STAMBPL1: variants seen among roughly 807,000 people sequenced by gnomAD.
STAMBPL1 encodes the protein AMSH-like protease.
In STAMBPL1, 44 loss-of-function variants were observed where a neutral mutation model predicts 52.9. The ratio of observed to expected loss-of-function variants is 0.83; its 90% confidence interval spans 0.65 to 1.07. STAMBPL1 has a LOEUF of 1.07. Ranked by LOEUF, STAMBPL1 falls within the 50% of genes least tolerant of loss-of-function variation. STAMBPL1 has a pLI of 0.00. For synonymous variants in STAMBPL1, 164 were observed against 177.3 expected (o/e 0.92, Z 0.60); for missense variants, 511 against 520.8 (o/e 0.98, Z 0.18).
At chr10:88,900,320 A>G (rs1286278322) in intron 1 of STAMBPL1, among the ~76,000 whole-genome samples, 2 of 152,202 alleles carry the variant, frequency 1.3e-5, no homozygotes, top group South Asian at 2.1e-4. Context: ...TCCATGTTCA[A>G]AGTCATCTAA....
At chr10:88,922,287 T>A (rs1361520101) in intron 9 of STAMBPL1, 50 bp from the exon 10 acceptor site, 1 of 1,548,038 alleles carries the variant, frequency 6.5e-7, no homozygotes, top group East Asian at 2.3e-5. Context: ...GCATCTGGAA[T>A]GCCCAAATGA....
At chr10:88,893,719 C>G (rs1349846072) in intron 1 of STAMBPL1, among the ~76,000 whole-genome samples, 2 of 152,074 alleles carry the variant, frequency 1.3e-5, no homozygotes, top group African/African-American at 4.8e-5. Flanking sequence ...CCAGCCTGGG[C>G]AACAAGAGTG....
intron 9 of STAMBPL1, 121 bp downstream of exon 9, chr10:88,921,516 A>G: frequency 1.4e-6 from 1 of 703,130 alleles, no homozygotes; most frequent in Non-Finnish European, 2.5e-6. Flanking sequence ...CTCGGGAAAA[A>G]GAGATGGGTA....
intron 3 of STAMBPL1, among the ~76,000 whole-genome samples, chr10:88,906,154 A>G (rs1014316261): frequency 6.6e-6 from 1 of 151,670 alleles, no homozygotes; most frequent in Non-Finnish European, 1.5e-5. Flanking sequence ...AACTCATTCA[A>G]GTTTCATATA....
chr10:88,905,728 C>G (rs1433414234), intron 3 of STAMBPL1, 68 bp downstream of exon 3: 3 of 1,247,114 alleles, frequency 2.4e-6, no homozygotes, highest in Non-Finnish European at 3.4e-6. Flanking sequence ...TTTGATGTGG[C>G]AGTTTGGGTA....
chr10:88,891,535 T>A (rs1198093082), intron 1 of STAMBPL1, among the ~76,000 whole-genome samples: 1 of 152,142 alleles, frequency 6.6e-6, no homozygotes, highest in Non-Finnish European at 1.5e-5. Flanking sequence ...AAGAGAAAAA[T>A]AGTATCGTGG....
intron 2 of STAMBPL1, among the ~76,000 whole-genome samples, chr10:88,902,720 G>A (rs1023895162): frequency 9.2e-5 from 14 of 151,962 alleles, no homozygotes; most frequent in African/African-American, 1.5e-4. Flanking sequence ...ATAGGCTGCC[G>A]CCACCACGCC....
At chr10:88,896,698 G>C (rs1844818684) in intron 1 of STAMBPL1, among the ~76,000 whole-genome samples, 1 of 152,176 alleles carries the variant, frequency 6.6e-6, no homozygotes, top group South Asian at 2.1e-4. Flanking sequence ...TTTGGGTGAT[G>C]GTCTCGCTGG....
At chr10:88,883,564 G>A (rs1385843813) in intron 1 of STAMBPL1, among the ~76,000 whole-genome samples, 2 of 152,208 alleles carry the variant, frequency 1.3e-5, no homozygotes, top group East Asian at 3.8e-4. Context: ...GCATTTCTAA[G>A]CAAATCAGAT....
intron 1 of STAMBPL1, among the ~76,000 whole-genome samples, chr10:88,884,171 A>G (rs1482245081): frequency 6.6e-6 from 1 of 152,236 alleles, no homozygotes; most frequent in East Asian, 1.9e-4. Flanking sequence ...ATAAATACAT[A>G]AAAGTAAAAT....
At chr10:88,903,750 A>G (rs914190018) in intron 2 of STAMBPL1, among the ~76,000 whole-genome samples, 1 of 152,208 alleles carries the variant, frequency 6.6e-6, no homozygotes, top group African/African-American at 2.4e-5. Flanking sequence ...AATTGAAAAG[A>G]CTATATACTG....
intron 1 of STAMBPL1, among the ~76,000 whole-genome samples, chr10:88,896,526 T>TGATAAGATAA (rs945579022): frequency 2.6e-5 from 4 of 152,212 alleles, no homozygotes; most frequent in Non-Finnish European, 5.9e-5. Context: ...CTGGAAAACA[T>TGATAAGATAA]GACCACTAAC....
At chr10:88,883,568 A>G (rs964826148) in intron 1 of STAMBPL1, among the ~76,000 whole-genome samples, 1 of 152,216 alleles carries the variant, frequency 6.6e-6, no homozygotes, top group Non-Finnish European at 1.5e-5. Flanking sequence ...TTCTAAGCAA[A>G]TCAGATTAAC....
Position 88,916,729 on chromosome 10 carries a change from C to T in STAMBPL1, c.953C>T (p.Ala318Val), listed in dbSNP as rs140820995. The T allele has an allele frequency of 4.2e-4, 680 of 1,608,516 alleles. 2 individuals carry two copies. The highest frequency in any genetic ancestry group is 5.1e-4 in the Admixed American group (30 of 59,300). ...CATGTAATTGTGCCAAAGCAGTCTG[C>T]GGGACCAGACTATTGTGACATGGAG... The part of the protein sequence containing the change: ...ITHVIVPKQS[A>V]GPDYCDMENV... Residue 318 changes from alanine (A) to valine (V), a missense_variant, in exon 8 of 11, where the codon GCG (alanine) becomes GTG (valine). Transcript: ENST00000371926.
chr10:88,891,263 A>G (rs554372658), intron 1 of STAMBPL1, among the ~76,000 whole-genome samples: 35 of 152,350 alleles, frequency 2.3e-4, no homozygotes, highest in African/African-American at 7.9e-4. Context: ...AGACCTTTTA[A>G]AGAATGTTGA....
chr10:88,923,087 T>C (rs1157440529), intron 10 of STAMBPL1, 81 bp from the exon 11 acceptor site: 1 of 953,500 alleles, frequency 1.0e-6, no homozygotes, highest in African/African-American at 1.7e-5. Flanking sequence ...AGGAAATCTA[T>C]ACTTCCTCCC....
intron 1 of STAMBPL1, among the ~76,000 whole-genome samples, chr10:88,887,938 A>G (rs773821138): frequency 6.6e-6 from 1 of 152,190 alleles, no homozygotes; most frequent in African/African-American, 2.4e-5. Context: ...TCTTTCTTCT[A>G]CTTTTATGTT....
chr10:88,895,828 T>C (rs958354215), intron 1 of STAMBPL1, among the ~76,000 whole-genome samples: 1 of 152,224 alleles, frequency 6.6e-6, no homozygotes, highest in African/African-American at 2.4e-5. Context: ...GATAAAAAGT[T>C]TGTATTACAC....
At chr10:88,890,783 G>GT (rs1408909699) in intron 1 of STAMBPL1, among the ~76,000 whole-genome samples, 1 of 152,144 alleles carries the variant, frequency 6.6e-6, no homozygotes, top group Non-Finnish European at 1.5e-5. Flanking sequence ...AAGTTCTATG[G>GT]TTTTTCCTCA....
Sources: gnomAD v4.1 joint callset for allele counts (sites outside exome capture counted in the v4.1 genomes callset) on GRCh38, gnomAD v4.1.1 for gene constraint, MANE v1.5 for transcripts, NCBI Gene and HGNC (gene_info 2026-07-23, HGNC 2026-07-21) for gene names.